MEGF11: variants seen among roughly 807,000 people sequenced by gnomAD.
The protein encoded by MEGF11 is multiple EGF like domains 11.
Under a neutral mutation model 146.6 loss-of-function variants are expected in MEGF11, and 126 were observed. That is an observed-to-expected ratio of 0.86 (90% confidence interval 0.74 to 1.00). The LOEUF (loss-of-function observed/expected upper bound fraction) is 1.00. Among genes scored for constraint, MEGF11 ranks in the 50% least tolerant of loss-of-function variants. The probability of loss-of-function intolerance (pLI) is 0.00; values close to 1 mark genes in which losing one functional copy is unlikely to be tolerated. For missense variants in MEGF11, 1,509 were observed against 1,521.2 expected (o/e 0.99, Z 0.13); for synonymous variants, 532 against 583.4 (o/e 0.91, Z 1.27).
chr15:66,017,102 G>A (rs1314465362), intron 5 of MEGF11, among the ~76,000 whole-genome samples: 9 of 152,208 alleles, frequency 5.9e-5, no homozygotes, highest in Non-Finnish European at 2.9e-5. Flanking sequence ...CCGGGTGAGT[G>A]CGATCGATTA....
chr15:66,242,420 AAAG>A (rs1567296320), intron 1 of MEGF11, among the ~76,000 whole-genome samples: 10 of 137,578 alleles, frequency 7.3e-5, no homozygotes, highest in African/African-American at 1.1e-4. Flanking sequence ...AAAAAAAAAG[AAAG>A]AAAGAAAGAA....
At chr15:66,041,484 C>T (rs1420116207) in intron 5 of MEGF11, among the ~76,000 whole-genome samples, 3 of 152,240 alleles carry the variant, frequency 2.0e-5, no homozygotes, top group Admixed American at 6.5e-5. Context: ...CGGAGGGTCG[C>T]CTTGCGCTGC....
intron 1 of MEGF11, among the ~76,000 whole-genome samples, chr15:66,239,536 C>T (rs1245949468): frequency 6.6e-6 from 1 of 152,174 alleles, no homozygotes; most frequent in Non-Finnish European, 1.5e-5. Context: ...ATTTGCTTGG[C>T]CCCACCTGCC....
intron 5 of MEGF11, among the ~76,000 whole-genome samples, chr15:66,047,196 G>C (rs2084243389): frequency 6.6e-6 from 1 of 152,180 alleles, no homozygotes; most frequent in South Asian, 2.1e-4. Flanking sequence ...TGTAGAACAG[G>C]CATTTAAAAA....
intron 5 of MEGF11, among the ~76,000 whole-genome samples, chr15:66,041,651 TAGC>T (rs1407202663): frequency 1.3e-5 from 2 of 152,222 alleles, no homozygotes; most frequent in Non-Finnish European, 1.5e-5. Flanking sequence ...TGCTCTCCAA[TAGC>T]AGAGTGGAAT....
intron 1 of MEGF11, among the ~76,000 whole-genome samples, chr15:66,149,414 T>G (rs1208094792): frequency 6.6e-6 from 1 of 152,196 alleles, no homozygotes; most frequent in East Asian, 1.9e-4. Flanking sequence ...AAGGGGTTCT[T>G]ATGAGAACTG....
chr15:65,906,156 C>T lies in MEGF11; in HGVS notation c.2999-15G>A. 1.2e-6 allele frequency: 2 copies of T among 1,600,488 alleles called. No individual in the cohort carries two copies. The highest frequency in any genetic ancestry group is 8.5e-7 in the Non-Finnish European group (1 of 1,172,090). On this transcript the variant is annotated splice_polypyrimidine_tract_variant and intron_variant, in intron 23 of 25. Coordinates refer to ENST00000395614, the MANE Select transcript of MEGF11 (RefSeq NM_001385028.1). ...TCCACAAGCACCTGTGTAAAAATAA[C>T]ATGTAAGGAAAGAAAATATGGGGGT...
intron 25 of MEGF11, 101 bp from the exon 26 acceptor site, chr15:65,898,195 G>C (rs2078398876): frequency 2.0e-6 from 3 of 1,471,500 alleles, no homozygotes; most frequent in Non-Finnish European, 2.7e-6. Context: ...AGGAGCCAGG[G>C]ATTTATAAAT....
intron 24 of MEGF11, chr15:65,905,485 T>A (rs2078599393): frequency 6.6e-6 from 1 of 152,224 alleles, no homozygotes; most frequent in Admixed American, 6.5e-5. Flanking sequence ...ATTCCGGCAT[T>A]TAAACCTAGG....
At chr15:66,119,430 T>C (rs1348329347) in intron 3 of MEGF11, among the ~76,000 whole-genome samples, 1 of 152,198 alleles carries the variant, frequency 6.6e-6, no homozygotes, top group Admixed American at 6.5e-5. Context: ...CACTTCTAAA[T>C]AGAAGGGCTG....
chr15:65,911,535 G>A (rs983188173), intron 21 of MEGF11, among the ~76,000 whole-genome samples: 2 of 152,044 alleles, frequency 1.3e-5, no homozygotes, highest in South Asian at 2.1e-4. Flanking sequence ...CCTCAGCCTC[G>A]CAAGTAGCTG....
intron 10 of MEGF11, among the ~76,000 whole-genome samples, chr15:65,957,204 G>A (rs952152386): frequency 2.6e-5 from 4 of 152,212 alleles, no homozygotes; most frequent in African/African-American, 9.7e-5. Context: ...ATAGCAATGT[G>A]GGTGAAAGAA....
At chr15:66,089,545 G>C (rs2086240660) in intron 5 of MEGF11, among the ~76,000 whole-genome samples, 1 of 152,170 alleles carries the variant, frequency 6.6e-6, no homozygotes, top group Non-Finnish European at 1.5e-5. Flanking sequence ...CCCTGGGATG[G>C]GAGGCAGAGA....
At chr15:66,085,989 A>G (rs1402225274) in intron 5 of MEGF11, among the ~76,000 whole-genome samples, 2 of 152,196 alleles carry the variant, frequency 1.3e-5, no homozygotes, top group Non-Finnish European at 2.9e-5. Flanking sequence ...AATTCAGGAA[A>G]CTTTGAGCAC....
At chr15:66,161,441 A>C (rs2089949386) in intron 1 of MEGF11, among the ~76,000 whole-genome samples, 1 of 152,108 alleles carries the variant, frequency 6.6e-6, no homozygotes, top group Non-Finnish European at 1.5e-5. Flanking sequence ...GCTGGAGTGC[A>C]GTGGTGTGAT....
At chr15:66,141,308 G>A (rs111307102) in intron 1 of MEGF11, among the ~76,000 whole-genome samples, 32 of 148,472 alleles carry the variant, frequency 2.2e-4, no homozygotes, top group Middle Eastern at 3.4e-3. Context: ...GAGAGAGAGA[G>A]ACAGGGATAG....
intron 9 of MEGF11, among the ~76,000 whole-genome samples, chr15:65,962,954 G>A (rs576910887): frequency 2.0e-5 from 3 of 151,034 alleles, no homozygotes; most frequent in East Asian, 1.9e-4. Flanking sequence ...TGAGATTAGC[G>A]GGAGAGAAGA....
chr15:65,986,772 T>C (rs1204032506), intron 5 of MEGF11, among the ~76,000 whole-genome samples: 1 of 151,740 alleles, frequency 6.6e-6, no homozygotes, highest in Non-Finnish European at 1.5e-5. Flanking sequence ...CCTAATTATA[T>C]TGGGCTTTGG....
chr15:65,901,717 A>G (rs1483644691), intron 24 of MEGF11: 1 of 152,018 alleles, frequency 6.6e-6, no homozygotes, highest in East Asian at 1.9e-4. Flanking sequence ...AAGAAAAGCT[A>G]TTGCAGCTGC....
Sources: gnomAD v4.1 joint callset for allele counts (sites outside exome capture counted in the v4.1 genomes callset) on GRCh38, gnomAD v4.1.1 for gene constraint, MANE v1.5 for transcripts, NCBI Gene and HGNC (gene_info 2026-07-23, HGNC 2026-07-21) for gene names.